Variants in SRPK2 observed in about 807,000 individuals in gnomAD.
SRPK2 encodes the protein SRSF protein kinase 2, also known as SFRS protein kinase 2.
A neutral mutation model predicts 90.8 loss-of-function variants in SRPK2; 21 were observed. The ratio of observed to expected loss-of-function variants is 0.23; its 90% CI spans 0.16 to 0.33. The LOEUF is 0.33. Among genes scored for constraint, SRPK2 ranks in the 10% least tolerant of loss-of-function variants. The pLI is 1.00. For synonymous variants in SRPK2, 288 were observed against 311.1 expected, an observed-to-expected ratio of 0.93 and a Z score of 0.78; for missense variants, 620 against 869.0, an observed-to-expected ratio of 0.71 and a Z score of 3.60.
chr7:105,295,690 G>C (rs1038622031), intron 2 of SRPK2, among the ~76,000 whole-genome samples: 8 of 152,070 alleles, frequency 5.3e-5, no homozygotes, highest in African/African-American at 1.9e-4. Context: ...AAAAACAGTG[G>C]TCACGGTTAC....
At chr7:105,178,715 C>T (rs914545717) in intron 3 of SRPK2, among the ~76,000 whole-genome samples, 2 of 151,854 alleles carry the variant, frequency 1.3e-5, no homozygotes, top group African/African-American at 4.8e-5. Flanking sequence ...CCAGCTACTC[C>T]GAAGGATCAC....
chr7:105,369,131 A>T (rs1470661916), intron 2 of SRPK2, among the ~76,000 whole-genome samples: 1 of 45,644 alleles, frequency 2.2e-5, no homozygotes, highest in Admixed American at 2.2e-4. Flanking sequence ...TTATTTTATT[A>T]TTATTATTAT....
At chr7:105,154,399 C>T (rs1251789933) in intron 7 of SRPK2, among the ~76,000 whole-genome samples, 1 of 152,188 alleles carries the variant, frequency 6.6e-6, no homozygotes, top group African/African-American at 2.4e-5. Flanking sequence ...ACCAAATTGA[C>T]ATGAAAGCTT....
At chr7:105,248,441 A>AG (rs1452482873) in intron 2 of SRPK2, among the ~76,000 whole-genome samples, 1 of 150,396 alleles carries the variant, frequency 6.6e-6, no homozygotes, top group Non-Finnish European at 1.5e-5. Context: ...AAATTTAAAA[A>AG]AAAAAAAAAA....
At position 105,149,552 on chromosome 7, in the gene SRPK2, T is replaced by C. The variant is rs138216846; in HGVS notation, c.622-2894A>G. On this transcript the variant is annotated intron_variant, in intron 7 of 15. Coordinates refer to ENST00000393651, the MANE Select transcript of SRPK2 (RefSeq NM_182692.3). ...CTTGGTATGCTGGGCGCCAGTCCCC[T>C]GGGCCCACTGTTGTTTCTCTATACT... 6.0e-4 allele frequency among the ~76,000 whole-genome samples: 91 copies of C among 152,328 alleles called. 1 individual carries two copies. The highest frequency in any genetic ancestry group is 1.9e-3 in the African/African-American group (79 of 41,570).
chr7:105,389,628 A>C (rs1336099118), upstream of SRPK2, among the ~76,000 whole-genome samples: 3 of 152,224 alleles, frequency 2.0e-5, no homozygotes, highest in Non-Finnish European at 4.4e-5. Flanking sequence ...AATCACACCA[A>C]GTAGTTATTT....
intron 2 of SRPK2, among the ~76,000 whole-genome samples, chr7:105,218,499 G>A (rs561103659): frequency 6.6e-6 from 1 of 152,150 alleles, no homozygotes; most frequent in African/African-American, 2.4e-5. Context: ...ATGCACTAAC[G>A]TGAGTTTATG....
chr7:105,328,561 CAA>C (rs1192103331), intron 2 of SRPK2, among the ~76,000 whole-genome samples: 4,396 of 46,926 alleles, frequency 0.094, 67 homozygotes, highest in Non-Finnish European at 0.12. Flanking sequence ...GGCTCTGTCT[CAA>C]AAAAAAAAAA....
chr7:105,348,248 G>C (rs1816712308), intron 2 of SRPK2, among the ~76,000 whole-genome samples: 1 of 151,256 alleles, frequency 6.6e-6, no homozygotes, highest in South Asian at 2.1e-4. Flanking sequence ...ATTCTGTATT[G>C]TTAATAGAAA....
At chr7:105,206,306 T>G (rs1329702135) in intron 2 of SRPK2, 1 of 189,068 alleles carries the variant, frequency 5.3e-6, no homozygotes, top group East Asian at 1.3e-4. Context: ...GACTGCAGTA[T>G]GGAGAAGAGA....
chr7:105,280,464 T>A lies in SRPK2; in HGVS notation c.72-76679A>T, dbSNP rs140916721. ...AAAAATTAAGATGTTATTATTTATT[T>A]TATTATTATTTGCAATTTTTGCATA... On this transcript the variant is annotated intron_variant, in intron 2 of 15. Coordinates refer to ENST00000393651, the MANE Select transcript of SRPK2 (RefSeq NM_182692.3). Among the ~76,000 whole-genome samples the A allele has an allele frequency of 4.5e-3, 677 of 152,060 alleles. 3 individuals are homozygous for A. Among genetic ancestry groups the A allele is most frequent in the South Asian group, 0.011 (55 of 4,812 alleles).
At position 105,326,986 on chromosome 7, in the gene SRPK2, C is replaced by T. The variant is rs561726265; in HGVS notation, c.71+61662G>A. 2.6e-5 allele frequency among the ~76,000 whole-genome samples: 4 copies of T among 151,756 alleles called. No homozygotes were observed. The South Asian group carries it at 6.2e-4, about 24-fold the overall frequency. ...GCTGAGGCAGGAGAAGCACTTGAACCCAGGAGGTGGAGGCTGCATAAAGCT... is the reference window on the plus strand; with the variant it reads ...GCTGAGGCAGGAGAAGCACTTGAACTCAGGAGGTGGAGGCTGCATAAAGCT... On this transcript the variant is annotated intron_variant, in intron 2 of 15. Transcript: ENST00000393651.
intron 2 of SRPK2, among the ~76,000 whole-genome samples, chr7:105,329,468 A>G: frequency 6.6e-6 from 1 of 151,888 alleles, no homozygotes. Flanking sequence ...TGGTGAACGC[A>G]TGGAATCTCA....
intron 2 of SRPK2, among the ~76,000 whole-genome samples, chr7:105,248,678 C>CG (rs1802055085): frequency 6.6e-6 from 1 of 152,052 alleles, no homozygotes; most frequent in African/African-American, 2.4e-5. Flanking sequence ...CGATGGCTCA[C>CG]GCCTGTAATC....
chr7:105,362,535 A>T (rs977480300), intron 2 of SRPK2, among the ~76,000 whole-genome samples: 2 of 150,966 alleles, frequency 1.3e-5, no homozygotes, highest in Non-Finnish European at 2.9e-5. Flanking sequence ...AAAAAAAAAA[A>T]GTCAGGAAAC....
Position 105,388,791 on chromosome 7 carries a change from C to T in SRPK2, c.16G>A (p.Val6Met), listed in dbSNP as rs200646586. ...AGAGGGCGCGCCGCGGGCCACTCAC[C>T]TTTCCGGGAGCTCATTCCGACGCGG... Reference protein sequence around the residue: MSSRKVLAIQARKRRP... With the variant: MSSRKMLAIQARKRRP... Residue 6 changes from valine to methionine, a missense_variant and splice_region_variant, in exon 1 of 16, where the codon GTG becomes ATG. Val to Met is a conservative substitution (Grantham distance 21, BLOSUM62 1). Coordinates refer to ENST00000393651, the MANE Select transcript of SRPK2 (RefSeq NM_182692.3). 2 of 1,484,042 alleles carry T rather than the reference C, an allele frequency of 1.3e-6. No homozygotes were observed. The highest frequency in any genetic ancestry group is 1.8e-6 in the Non-Finnish European group (2 of 1,113,206). The allele number at this position is 1,484,042 out of a possible 1,614,324, so 91.9% of individuals were successfully genotyped here. A position where few individuals can be genotyped will look rare whatever the true frequency, so the allele number is the denominator to read the frequency against.
intron 2 of SRPK2, among the ~76,000 whole-genome samples, chr7:105,238,863 C>T (rs1192061323): frequency 6.6e-6 from 1 of 152,098 alleles, no homozygotes; most frequent in Admixed American, 6.5e-5. Context: ...GAAATACCCA[C>T]GACCACTTTG....
rs117247994 is a variant in SRPK2, at chr7:105,245,936, G to A, written c.72-42151C>T. ...GAGTGACAAAATGTTAGGTCACCGC[G>A]AGGCAGGATAAAGCCTGTGGGCCCC... is the stretch of plus-strand genomic sequence containing the variant. On this transcript the variant is annotated intron_variant, in intron 2 of 15. Transcript: ENST00000393651. Among the ~76,000 whole-genome samples the A allele has an allele frequency of 6.8e-3, 1,037 of 152,224 alleles. 4 individuals carry two copies. The highest frequency in any genetic ancestry group is 0.011 in the Non-Finnish European group (777 of 68,018).
chr7:105,131,470 T>G (rs550953080), intron 13 of SRPK2, among the ~76,000 whole-genome samples: 2 of 152,250 alleles, frequency 1.3e-5, no homozygotes, highest in East Asian at 3.8e-4. Context: ...ATGGAAGAAC[T>G]TTAATACCTT....
Sources: allele counts gnomAD v4.1 joint callset (sites outside exome capture counted in the v4.1 genomes callset), GRCh38; gene constraint gnomAD v4.1.1; transcripts MANE v1.5; gene names NCBI Gene and HGNC (gene_info 2026-07-23, HGNC 2026-07-21).